TMTC2: variants seen among roughly 807,000 people sequenced by gnomAD.
The protein encoded by TMTC2 is transmembrane O-mannosyltransferase targeting cadherins 2, also known as protein O-mannosyl-transferase TMTC2.
TMTC2 carries 43 observed loss-of-function variants against 82.4 expected under a neutral mutation model. That is an observed-to-expected ratio of 0.52 (90% CI 0.41 to 0.67). The LOEUF (loss-of-function observed/expected upper bound fraction) is 0.67, where lower values mean the gene tolerates loss of function less well. TMTC2 is among the 30% of genes least tolerant of loss of function. TMTC2 has a pLI of 0.00. For missense variants in TMTC2, 919 were observed against 1,012.4 expected (o/e 0.91, Z 1.25); for synonymous variants, 408 against 381.9 (o/e 1.07, Z -0.80).
At chr12:82,724,810 T>C (rs1874372865) in intron 1 of TMTC2, among the ~76,000 whole-genome samples, 1 of 152,214 alleles carries the variant, frequency 6.6e-6, no homozygotes, top group Non-Finnish European at 1.5e-5. Context: ...TTGTTTCTTA[T>C]AGATAGCAGT....
At chr12:82,940,081 C>T (rs1470199271) in intron 4 of TMTC2, among the ~76,000 whole-genome samples, 1 of 133,694 alleles carries the variant, frequency 7.5e-6, no homozygotes, top group East Asian at 2.2e-4. Context: ...AGTGCAGTGG[C>T]GCGATCTCGG....
intron 1 of TMTC2, among the ~76,000 whole-genome samples, chr12:82,717,373 C>T (rs1001822810): frequency 6.6e-6 from 1 of 151,938 alleles, no homozygotes; most frequent in Non-Finnish European, 1.5e-5. Flanking sequence ...TACAGGTGCT[C>T]ACCACCATGC....
chr12:82,930,674 CCT>C (rs1875981347), intron 4 of TMTC2, 129 bp downstream of exon 4: 1 of 529,546 alleles, frequency 1.9e-6, no homozygotes. Flanking sequence ...GTTAATCATG[CCT>C]CTGAGACTAT....
chr12:82,829,502 G>A lies in TMTC2; in HGVS notation c.84-27508G>A, dbSNP rs1313449810. Among the ~76,000 whole-genome samples, 7 of 150,568 alleles carry A rather than the reference G, an allele frequency of 4.6e-5. No homozygotes were observed. The South Asian group carries it at 1.3e-3, about 29-fold the overall frequency. ...TACACCATCCAAATTGTTGGTTTTT[G>A]TGAATATCTTAAAAATATTTACAGT... On this transcript the variant is annotated intron_variant, in intron 1 of 11. Transcript: ENST00000321196.
chr12:83,113,507 G>A (rs1454528651), intron 11 of TMTC2, among the ~76,000 whole-genome samples: 1 of 152,200 alleles, frequency 6.6e-6, no homozygotes, highest in African/African-American at 2.4e-5. Flanking sequence ...TACTATGTGA[G>A]CAGCAGAAGT....
At chr12:82,794,363 A>G (rs765018402) in intron 1 of TMTC2, among the ~76,000 whole-genome samples, 15 of 152,102 alleles carry the variant, frequency 9.9e-5, no homozygotes, top group Non-Finnish European at 2.2e-4. Flanking sequence ...ACTCACACAG[A>G]AAAAAAGGGC....
intron 1 of TMTC2, among the ~76,000 whole-genome samples, chr12:82,743,080 G>A (rs972820688): frequency 6.6e-6 from 1 of 152,128 alleles, no homozygotes; most frequent in African/African-American, 2.4e-5. Flanking sequence ...TATTTTCTGA[G>A]CATTGATTTA....
chr12:82,761,453 C>A (rs937323665), intron 1 of TMTC2, among the ~76,000 whole-genome samples: 2 of 152,084 alleles, frequency 1.3e-5, no homozygotes, highest in Non-Finnish European at 2.9e-5. Flanking sequence ...CAATTCACAC[C>A]CGTGGCCATC....
At chr12:82,893,198 C>T (rs548695970) in intron 2 of TMTC2, among the ~76,000 whole-genome samples, 19 of 151,720 alleles carry the variant, frequency 1.3e-4, no homozygotes, top group Admixed American at 5.3e-4. Context: ...GGTGCAACCC[C>T]GTCTCTACTA....
chr12:82,935,789 A>G (rs1876283831), intron 4 of TMTC2, among the ~76,000 whole-genome samples: 1 of 152,144 alleles, frequency 6.6e-6, no homozygotes, highest in African/African-American at 2.4e-5. Flanking sequence ...TCTGTTGATG[A>G]TAGAGATTTT....
At chr12:83,088,269 AT>A in intron 11 of TMTC2, among the ~76,000 whole-genome samples, 1 of 152,316 alleles carries the variant, frequency 6.6e-6, no homozygotes, top group East Asian at 1.9e-4. Context: ...GCTTAAGGGA[AT>A]TTTCCAGCTG....
At chr12:82,987,364 C>T (rs1230065489) in intron 8 of TMTC2, among the ~76,000 whole-genome samples, 7 of 128,960 alleles carry the variant, frequency 5.4e-5, no homozygotes, top group Non-Finnish European at 1.1e-4. Context: ...GCCAAGGTTG[C>T]GGTGAGCCGA....
intron 11 of TMTC2, among the ~76,000 whole-genome samples, chr12:83,087,224 T>C (rs1313534607): frequency 6.6e-6 from 1 of 152,296 alleles, no homozygotes; most frequent in East Asian, 1.9e-4. Flanking sequence ...TCCATTCAAG[T>C]TTTTTCCTGG....
intron 8 of TMTC2, among the ~76,000 whole-genome samples, chr12:83,009,094 G>A (rs1880333423): frequency 6.6e-6 from 1 of 152,168 alleles, no homozygotes; most frequent in African/African-American, 2.4e-5. Context: ...CTAACATTAG[G>A]TGAGACAAAG....
intron 3 of TMTC2, among the ~76,000 whole-genome samples, chr12:82,900,766 A>ACCTG (rs1491190905): frequency 7.7e-6 from 1 of 129,708 alleles, no homozygotes; most frequent in African/African-American, 2.9e-5. Flanking sequence ...GAATATATAT[A>ACCTG]GAGAGGTATA....
At chr12:82,803,599 T>G (rs929908327) in intron 1 of TMTC2, among the ~76,000 whole-genome samples, 1 of 151,670 alleles carries the variant, frequency 6.6e-6, no homozygotes, top group Non-Finnish European at 1.5e-5. Flanking sequence ...ATGGCAAGAG[T>G]ATCACCTTCC....
At chr12:82,867,713 T>C (rs370230487) in intron 2 of TMTC2, among the ~76,000 whole-genome samples, 3 of 152,164 alleles carry the variant, frequency 2.0e-5, no homozygotes, top group African/African-American at 7.2e-5. Context: ...TTTTATAAAA[T>C]GGAAAACTCA....
chr12:82,787,109 A>G (rs1878214173), intron 1 of TMTC2, among the ~76,000 whole-genome samples: 1 of 152,138 alleles, frequency 6.6e-6, no homozygotes, highest in Non-Finnish European at 1.5e-5. Flanking sequence ...TATCATACCC[A>G]GTATGGAAAC....
intron 3 of TMTC2, among the ~76,000 whole-genome samples, chr12:82,929,565 A>G (rs1177834274): frequency 1.3e-5 from 2 of 152,172 alleles, no homozygotes; most frequent in African/African-American, 2.4e-5. Flanking sequence ...TTTTTCAGGT[A>G]CAGTCAGTAG....
Sources: allele counts gnomAD v4.1 joint callset (sites outside exome capture counted in the v4.1 genomes callset), GRCh38; gene constraint gnomAD v4.1.1; transcripts MANE v1.5; gene names NCBI Gene and HGNC (gene_info 2026-07-23, HGNC 2026-07-21).